CTNS: variants seen among roughly 807,000 people sequenced by gnomAD.
CTNS encodes the protein cystinosin.
CTNS carries 27 observed loss-of-function variants against 43.7 expected under a neutral mutation model. The observed-to-expected ratio is 0.62, with a 90% CI of 0.46 to 0.85. The LOEUF is 0.85. CTNS is among the 40% of genes least tolerant of loss of function. The probability of loss-of-function intolerance (pLI) is 0.00; values close to 1 mark genes in which losing one functional copy is unlikely to be tolerated. For missense variants in CTNS, 457 were observed against 475.4 expected, an observed-to-expected ratio of 0.96 and a Z score of 0.36; for synonymous variants, 187 against 190.6, an observed-to-expected ratio of 0.98 and a Z score of 0.16.
intron 3 of CTNS, among the ~76,000 whole-genome samples, chr17:3,644,703 A>T (rs1305001595): frequency 6.6e-6 from 1 of 152,132 alleles, no homozygotes; most frequent in African/African-American, 2.4e-5. Context: ...TGACCTCGTG[A>T]TCCACCTGCC....
chr17:3,648,688 G>C (rs578115097), intron 4 of CTNS, among the ~76,000 whole-genome samples, 159 bp from the exon 5 acceptor site: 1 of 152,192 alleles, frequency 6.6e-6, no homozygotes, highest in South Asian at 2.1e-4. Context: ...GAAGGCCTAC[G>C]GGAGCACGAT....
intron 2 of CTNS, among the ~76,000 whole-genome samples, chr17:3,639,623 G>A (rs377367491): frequency 3.5e-4 from 52 of 149,204 alleles, no homozygotes; most frequent in Non-Finnish European, 6.8e-4. Context: ...AACAGAGTTC[G>A]CACCACTGCA....
chr17:3,644,452 A>G (rs1325861473), intron 3 of CTNS, among the ~76,000 whole-genome samples: 1 of 152,018 alleles, frequency 6.6e-6, no homozygotes, highest in African/African-American at 2.4e-5. Flanking sequence ...ACAAACTCCT[A>G]TTTTATTTTT....
At chr17:3,654,964 G>A (rs377309123) in intron 5 of CTNS, 34 bp from the exon 6 acceptor site, 98 of 1,489,314 alleles carry the variant, frequency 6.6e-5, no homozygotes, top group East Asian at 6.8e-5. Context: ...GTAACTGTAC[G>A]TGGCATCGGA....
chr17:3,644,395 AAAG>A (rs1411036791), intron 3 of CTNS, among the ~76,000 whole-genome samples: 4 of 152,204 alleles, frequency 2.6e-5, no homozygotes, highest in Non-Finnish European at 2.9e-5. Context: ...CTGTGGTGCT[AAAG>A]AAGGAGGGAA....
chr17:3,658,251 G>C, intron 10 of CTNS, 76 bp downstream of exon 10: 1 of 1,577,314 alleles, frequency 6.3e-7, no homozygotes, highest in South Asian at 1.1e-5. Flanking sequence ...TGCTCCGGTG[G>C]GGCAGCTCCT....
rs746617587 is a variant in CTNS at position 3,660,703 on chromosome 17, C to T, written c.*334C>T. 4 of 1,613,536 alleles carry T rather than the reference C, an allele frequency of 2.5e-6. No individual in the cohort carries two copies. The Admixed American group carries it at 5.0e-5, about 20-fold the overall frequency. ...CAGCCGAAGGCCTTGCCCCAAACTA[C>T]CAGCGTTTCTGCAAGCAGCTTGAAG... is the stretch of plus-strand genomic sequence containing the variant. On this transcript the variant is annotated 3_prime_UTR_variant, in exon 12 of 12. Coordinates refer to ENST00000046640, the MANE Select transcript of CTNS (RefSeq NM_004937.3).
rs372088223 is a variant in CTNS at position 3,660,405 on chromosome 17, G to A, written c.*36G>A. ...CCCAGTGTACCCAGCCTCTGGCCTCGTGCCCTGCTGGGGAAGGCCTCACCC... is the reference window on the plus strand; with the variant it reads ...CCCAGTGTACCCAGCCTCTGGCCTCATGCCCTGCTGGGGAAGGCCTCACCC... On this transcript the variant is annotated 3_prime_UTR_variant, in exon 12 of 12. Coordinates refer to ENST00000046640, the MANE Select transcript of CTNS (RefSeq NM_004937.3). 8.1e-5 allele frequency: 131 copies of A among 1,614,032 alleles called. No individual in the cohort carries two copies. The highest frequency in any genetic ancestry group is 1.2e-4 in the Admixed American group (7 of 60,030).
At chr17:3,641,384 A>ATATATATATATATTTT (rs1555558526) in intron 3 of CTNS, among the ~76,000 whole-genome samples, 3 of 31,202 alleles carry the variant, frequency 9.6e-5, no homozygotes, top group East Asian at 1.3e-3. Context: ...ATATATATAT[A>ATATATATATATATTTT]TTTTTTTTTT....
At chr17:3,641,218 G>C (rs1308061770) in intron 3 of CTNS, among the ~76,000 whole-genome samples, 1 of 151,362 alleles carries the variant, frequency 6.6e-6, no homozygotes, top group African/African-American at 2.4e-5. Flanking sequence ...TTTGAGGCCC[G>C]TGCCCTTCTA....
At chr17:3,659,588 C>A (rs2076237650) in intron 10 of CTNS, among the ~76,000 whole-genome samples, 1 of 152,236 alleles carries the variant, frequency 6.6e-6, no homozygotes, top group Non-Finnish European at 1.5e-5. Flanking sequence ...GGGAAGGCCG[C>A]ATCGGCCCCG....
chr17:3,636,460 C>G, upstream of CTNS: 2 of 480,860 alleles, frequency 4.2e-6, no homozygotes, highest in Non-Finnish European at 7.3e-6. Flanking sequence ...CCCCGCCCCA[C>G]GGGCTCTGAT....
intron 7 of CTNS, 162 bp downstream of exon 7, chr17:3,655,514 C>T (rs573024697): frequency 1.3e-5 from 14 of 1,040,150 alleles, no homozygotes; most frequent in Admixed American, 2.0e-5. Flanking sequence ...GAGCCTGGGT[C>T]GGATTCCCGT....
chr17:3,639,160 G>A (rs907862491), intron 2 of CTNS, among the ~76,000 whole-genome samples: 5 of 152,222 alleles, frequency 3.3e-5, no homozygotes, highest in Non-Finnish European at 7.4e-5. Context: ...CAGGAGGCCC[G>A]TGAGACTGTG....
intron 3 of CTNS, among the ~76,000 whole-genome samples, chr17:3,640,519 G>C (rs556689070): frequency 6.6e-6 from 1 of 152,354 alleles, no homozygotes; most frequent in Non-Finnish European, 1.5e-5. Flanking sequence ...CTGTACCAAA[G>C]TGAACAGCTG....
chr17:3,639,814 A>G (rs556512843), intron 2 of CTNS, among the ~76,000 whole-genome samples: 1 of 152,320 alleles, frequency 6.6e-6, no homozygotes, highest in African/African-American at 2.4e-5. Context: ...ACAATGTCAA[A>G]TATCTGACCA....
In CTNS at chr17:3,660,549, C is replaced by T. The variant is rs552754402; in HGVS notation, c.*180C>T. 4.4e-4 allele frequency: 709 copies of T among 1,612,864 alleles called. 8 individuals are homozygous for T. In the South Asian group the frequency reaches 7.4e-3, roughly 17 times the overall value. On this transcript the variant is annotated 3_prime_UTR_variant, in exon 12 of 12. Coordinates refer to ENST00000046640, the MANE Select transcript of CTNS (RefSeq NM_004937.3). ...TTCAATAGCCTGCCTTCGTCCGGGC[C>T]CCTCCTGGGCCTCCCCGGCCAGGCA... is the stretch of plus-strand genomic sequence containing the variant.
chr17:3,656,896 G>A, intron 9 of CTNS, 101 bp downstream of exon 9: 2 of 1,567,142 alleles, frequency 1.3e-6, no homozygotes, highest in Non-Finnish European at 8.6e-7. Flanking sequence ...AAGGAAGGGT[G>A]TGTGTTCATT....
At chr17:3,660,080 A>C in intron 11 of CTNS, 105 bp downstream of exon 11, 1 of 1,439,836 alleles carries the variant, frequency 6.9e-7, no homozygotes, top group Non-Finnish European at 9.7e-7. Context: ...CTGGGATCCA[A>C]GCCAATCCAG....
Sources: allele counts gnomAD v4.1 joint callset (sites outside exome capture counted in the v4.1 genomes callset), GRCh38; gene constraint gnomAD v4.1.1; transcripts MANE v1.5; gene names NCBI Gene and HGNC (gene_info 2026-07-23, HGNC 2026-07-21).